The following SH3PXD2A variants were observed in gnomAD, a reference collection of about 807,000 sequenced individuals.
The protein encoded by SH3PXD2A is SH3 and PX domain-containing protein 2A.
SH3PXD2A carries 32 observed loss-of-function variants against 115.2 expected under a neutral mutation model. The ratio of observed to expected loss-of-function variants is 0.28; its 90% CI spans 0.21 to 0.37. The LOEUF (loss-of-function observed/expected upper bound fraction) is 0.37. Ranked by LOEUF, SH3PXD2A falls within the 10% of genes least tolerant of loss-of-function variation. The probability of loss-of-function intolerance (pLI) is 1.00; values close to 1 mark genes in which losing one functional copy is unlikely to be tolerated. For missense variants in SH3PXD2A, 1,328 were observed against 1,498.7 expected (o/e 0.89, Z 1.88); for synonymous variants, 610 against 629.1 (o/e 0.97, Z 0.45).
chr10:103,854,086 G>A (rs1227382153), intron 1 of SH3PXD2A, among the ~76,000 whole-genome samples: 1 of 152,166 alleles, frequency 6.6e-6, no homozygotes, highest in Admixed American at 6.5e-5. Flanking sequence ...AAAGTTCAGA[G>A]CTACACTGGT....
In SH3PXD2A at chr10:103,778,810, G is replaced by GT. The variant is rs568107593; in HGVS notation, c.154-11642dup. 2.4e-4 allele frequency among the ~76,000 whole-genome samples: 37 copies of GT among 152,272 alleles called. 1 individual carries two copies. The highest frequency in any genetic ancestry group is 6.2e-4 in the South Asian group (3 of 4,828). Reference sequence around the variant, plus strand: ...TTCCAACAGCTGTAAGGCCTTTTGGGTTTTTCACCTATAATTTCACACCCT... The same window carrying GT: ...TTCCAACAGCTGTAAGGCCTTTTGGGTTTTTTCACCTATAATTTCACACCCT... On this transcript the variant is annotated intron_variant, in intron 2 of 14. Coordinates refer to ENST00000369774, the MANE Select transcript of SH3PXD2A (RefSeq NM_001394015.1).
At chr10:103,791,553 G>A (rs780657358) in intron 2 of SH3PXD2A, among the ~76,000 whole-genome samples, 2 of 152,130 alleles carry the variant, frequency 1.3e-5, no homozygotes, top group East Asian at 1.9e-4. Flanking sequence ...GGCAGGCCCC[G>A]AGGCGGTGAT....
intron 8 of SH3PXD2A, among the ~76,000 whole-genome samples, chr10:103,659,943 C>T (rs1223678689): frequency 1.3e-5 from 2 of 152,186 alleles, no homozygotes; most frequent in East Asian, 3.8e-4. Flanking sequence ...TTCCCCGCAA[C>T]CTCCCTGTGT....
At chr10:103,802,062 G>A (rs1699013635) in intron 1 of SH3PXD2A, among the ~76,000 whole-genome samples, 2 of 152,198 alleles carry the variant, frequency 1.3e-5, no homozygotes, top group South Asian at 4.1e-4. Flanking sequence ...GACTCTATAA[G>A]AGGCCCTCCG....
In SH3PXD2A at chr10:103,849,543, G is replaced by T. The variant is rs79479623; in HGVS notation, c.72+5652C>A. Among the ~76,000 whole-genome samples, 75 of 152,276 alleles carry T rather than the reference G, an allele frequency of 4.9e-4. 1 individual carries two copies. The East Asian group carries it at 0.013, about 26-fold the overall frequency. ...TGACTTGCCTGGGGGTTACCCAGAGGCACAAGAGGGATCCTCATGTGACCC... is the reference window on the plus strand; with the variant it reads ...TGACTTGCCTGGGGGTTACCCAGAGTCACAAGAGGGATCCTCATGTGACCC... On this transcript the variant is annotated intron_variant, in intron 1 of 14. Transcript: ENST00000369774.
chr10:103,830,195 G>A (rs1435486405), intron 1 of SH3PXD2A, among the ~76,000 whole-genome samples: 1 of 152,250 alleles, frequency 6.6e-6, no homozygotes, highest in African/African-American at 2.4e-5. Context: ...TTAAGATAAT[G>A]GAGGAAGGTT....
chr10:103,690,085 G>T (rs1244633414), intron 6 of SH3PXD2A, among the ~76,000 whole-genome samples: 3 of 152,094 alleles, frequency 2.0e-5, no homozygotes, highest in Non-Finnish European at 2.9e-5. Context: ...ACTGTGTGTG[G>T]GCAGTCACCC....
Position 103,855,102 on chromosome 10 carries a change from C to T in SH3PXD2A, c.72+93G>A, listed in dbSNP as rs1842928304. 6.0e-6 allele frequency: 5 copies of T among 826,692 alleles called. No individual in the cohort carries two copies. In the South Asian group the frequency reaches 6.5e-5, roughly 11 times the overall value. 51.2% of individuals were successfully genotyped at this position (826,692 alleles called of 1,614,324 possible). The stretch of plus-strand genomic sequence containing the variant: ...TGGCTGCCCAGTGGGCGCTTAGCTT[C>T]GCGACCTCACAGCTGGGAGGGGCAA... On this transcript the variant is annotated intron_variant, in intron 1 of 14. Transcript: ENST00000369774.
intron 8 of SH3PXD2A, among the ~76,000 whole-genome samples, chr10:103,658,507 T>G (rs2037243854): frequency 6.6e-6 from 1 of 152,206 alleles, no homozygotes. Flanking sequence ...TTCCCTGAAC[T>G]GGGAAGCGAC....
chr10:103,703,980 T>C (rs2134148298), intron 5 of SH3PXD2A, among the ~76,000 whole-genome samples: 1 of 152,290 alleles, frequency 6.6e-6, no homozygotes, highest in Admixed American at 6.5e-5. Flanking sequence ...ACTGAAATGA[T>C]CCACCTAATT....
intron 2 of SH3PXD2A, among the ~76,000 whole-genome samples, chr10:103,797,029 A>AT (rs1403277265): frequency 1.3e-5 from 2 of 151,414 alleles, no homozygotes; most frequent in African/African-American, 2.4e-5. Flanking sequence ...CACTCGGCTA[A>AT]TTTTTTTTAT....
At chr10:103,640,665 C>T (rs940546728) in intron 8 of SH3PXD2A, among the ~76,000 whole-genome samples, 2 of 152,116 alleles carry the variant, frequency 1.3e-5, no homozygotes, top group East Asian at 1.9e-4. Context: ...GAGAAGAAGG[C>T]GGTGAATTCC....
intron 5 of SH3PXD2A, among the ~76,000 whole-genome samples, chr10:103,711,855 G>T (rs989067324): frequency 6.6e-6 from 1 of 152,116 alleles, no homozygotes; most frequent in Non-Finnish European, 1.5e-5. Flanking sequence ...AAGAATTTGC[G>T]ACTAGCAGGG....
At position 103,767,779 on chromosome 10, in the gene SH3PXD2A, G is replaced by C. The variant is rs1398900836; in HGVS notation, c.154-610C>G. On this transcript the variant is annotated intron_variant, in intron 2 of 14. Coordinates refer to ENST00000369774, the MANE Select transcript of SH3PXD2A (RefSeq NM_001394015.1). ...TTCCAAGGACGGACCCACTGGAAGAGTTTCCAGGGTTCTGGAGGAACAACT... is the reference window on the plus strand; with the variant it reads ...TTCCAAGGACGGACCCACTGGAAGACTTTCCAGGGTTCTGGAGGAACAACT... 8.3e-5 allele frequency among the ~76,000 whole-genome samples: 12 copies of C among 144,190 alleles called. No individual in the cohort carries two copies. The East Asian group carries it at 2.5e-3, about 30-fold the overall frequency. The allele number at this position is 144,190 out of a possible 152,430, so 94.6% of individuals were successfully genotyped here.
At chr10:103,852,017 A>T (rs2134332459) in intron 1 of SH3PXD2A, among the ~76,000 whole-genome samples, 1 of 152,366 alleles carries the variant, frequency 6.6e-6, no homozygotes, top group South Asian at 2.1e-4. Context: ...CAAACGAAGG[A>T]ATCTGCATTC....
Position 103,626,449 on chromosome 10 carries a change from C to T in SH3PXD2A, c.718+640G>A, listed in dbSNP as rs768173814. Among the ~76,000 whole-genome samples the T allele has an allele frequency of 3.7e-4, 56 of 152,176 alleles. No individual in the cohort carries two copies. The Middle Eastern group carries it at 0.017, about 46-fold the overall frequency. ...GCAGGCAGCCAAGAACTGGGGGTGG[C>T]GCAAACGGACTGGGCTCAGGCAGCC... On this transcript the variant is annotated intron_variant, in intron 9 of 14. Transcript: ENST00000369774.
At chr10:103,736,863 T>C (rs2038386728) in intron 3 of SH3PXD2A, 2 of 1,011,100 alleles carry the variant, frequency 2.0e-6, no homozygotes. Flanking sequence ...GTCCTTGTGG[T>C]GTCAGTCAGT....
chr10:103,744,621 C>T lies in SH3PXD2A; in HGVS notation c.230-8813G>A, dbSNP rs183732992. ...GCCTTGTACCTGGCTCAGATCACACCCTGACACCCAATCCTTCCTTCTTCA... is the reference window on the plus strand; with the variant it reads ...GCCTTGTACCTGGCTCAGATCACACTCTGACACCCAATCCTTCCTTCTTCA... On this transcript the variant is annotated intron_variant, in intron 3 of 14. Coordinates refer to ENST00000369774, the MANE Select transcript of SH3PXD2A (RefSeq NM_001394015.1). 3.5e-4 allele frequency among the ~76,000 whole-genome samples: 54 copies of T among 152,308 alleles called. 1 individual carries two copies. The highest frequency in any genetic ancestry group is 2.6e-3 in the Admixed American group (40 of 15,306).
intron 3 of SH3PXD2A, among the ~76,000 whole-genome samples, chr10:103,744,105 C>T (rs956258248): frequency 1.3e-5 from 2 of 152,082 alleles, no homozygotes; most frequent in Non-Finnish European, 2.9e-5. Context: ...CCTGGGTTAG[C>T]CCTGCCTAGG....
Sources: gnomAD v4.1 joint callset for allele counts (sites outside exome capture counted in the v4.1 genomes callset) on GRCh38, gnomAD v4.1.1 for gene constraint, MANE v1.5 for transcripts, NCBI Gene and HGNC (gene_info 2026-07-23, HGNC 2026-07-21) for gene names.